PRKCQ: variants seen among roughly 807,000 people sequenced by gnomAD.
PRKCQ encodes the protein protein kinase C theta type.
In PRKCQ, 41 loss-of-function variants were observed where a neutral mutation model predicts 91.2. The ratio of observed to expected loss-of-function variants is 0.45; its 90% CI spans 0.35 to 0.58. The LOEUF (loss-of-function observed/expected upper bound fraction) is 0.58, where lower values mean the gene tolerates loss of function less well. Among genes scored for constraint, PRKCQ ranks in the 20% least tolerant of loss-of-function variants. The probability of loss-of-function intolerance (pLI) is 0.00; values close to 1 mark genes in which losing one functional copy is unlikely to be tolerated. For missense variants in PRKCQ, 673 were observed against 896.5 expected (o/e 0.75, Z 3.18); for synonymous variants, 307 against 316.9 (o/e 0.97, Z 0.33).
intron 1 of PRKCQ, among the ~76,000 whole-genome samples, chr10:6,548,607 AT>A: frequency 6.8e-6 from 1 of 148,094 alleles, no homozygotes; most frequent in South Asian, 2.2e-4. Context: ...ATTGGAAATC[AT>A]CATTCTCAGT....
Position 6,430,936 on chromosome 10 carries a change from G to C in PRKCQ, c.1839C>G (p.Leu613=), listed in dbSNP as rs1368867765. Residue 613 remains leucine (L), a splice_region_variant and synonymous_variant, in exon 17 of 18, where the codon CTC becomes CTG. Transcript: ENST00000263125. The surrounding 1 kb of genome is among the most constrained non-coding windows in gnomAD (Gnocchi z 4.7). ...EKEAKDLLVK[L]FVREPEKRLG... ...GCCTCTTCTCAGGTTCTCGCACGAAGAGCTGAAAGGGAGCAGAGCAGGAGC... is the reference window on the plus strand; with the variant it reads ...GCCTCTTCTCAGGTTCTCGCACGAACAGCTGAAAGGGAGCAGAGCAGGAGC... The C allele has an allele frequency of 5.6e-6, 9 of 1,613,778 alleles. No individual in the cohort carries two copies. Among genetic ancestry groups the C allele is most frequent in the Admixed American group, 1.7e-5 (1 of 60,000 alleles).
At chr10:6,417,633 A>G in the PRKCQ span, among the ~76,000 whole-genome samples, 5 of 152,096 alleles carry the variant, frequency 3.3e-5, no homozygotes, top group African/African-American at 1.2e-4. Flanking sequence ...GCTGCCTTAG[A>G]CCCTGAGCTT....
chr10:6,500,331 T>C (rs2130827506), intron 4 of PRKCQ, among the ~76,000 whole-genome samples: 1 of 152,098 alleles, frequency 6.6e-6, no homozygotes, highest in South Asian at 2.1e-4. Context: ...AGTGAATTAT[T>C]ATGGGGACCC....
chr10:6,459,160 T>C (rs968582494), intron 14 of PRKCQ, among the ~76,000 whole-genome samples: 1 of 152,208 alleles, frequency 6.6e-6, no homozygotes, highest in African/African-American at 2.4e-5. Flanking sequence ...AAAGTCTACC[T>C]TCACAGAAGA....
At position 6,491,680 on chromosome 10, in the gene PRKCQ, C is replaced by T. The variant is rs774278076; in HGVS notation, c.790+3G>A. 6.2e-7 allele frequency: 1 copy of T among 1,614,140 alleles called. No individual in the cohort carries two copies. Among genetic ancestry groups the T allele is most frequent in the Non-Finnish European group, 8.5e-7 (1 of 1,179,994 alleles). On this transcript the variant is annotated splice_donor_region_variant and intron_variant, in intron 8 of 17. Transcript: ENST00000263125. ...GGCCATGCTCATCCCCCACTGGACT[C>T]ACCATCACACTTGAGTCCTTGCCGT...
chr10:6,484,469 C>T (rs1302804919), intron 10 of PRKCQ, among the ~76,000 whole-genome samples: 1 of 152,138 alleles, frequency 6.6e-6, no homozygotes, highest in East Asian at 1.9e-4. Context: ...GACATAGTCT[C>T]CTTGACTGCC....
At chr10:6,484,262 G>T (rs1364688305) in intron 10 of PRKCQ, among the ~76,000 whole-genome samples, 3 of 152,090 alleles carry the variant, frequency 2.0e-5, no homozygotes, top group African/African-American at 7.2e-5. Flanking sequence ...AAAATACAAA[G>T]AATTCGCTGG....
the PRKCQ span, among the ~76,000 whole-genome samples, chr10:6,409,877 T>C: frequency 6.6e-6 from 1 of 152,244 alleles, no homozygotes; most frequent in Non-Finnish European, 1.5e-5. Context: ...GTTACTCCAA[T>C]GCCAAAATTA....
At chr10:6,498,309 A>C (rs993735464) in intron 5 of PRKCQ, 87 bp downstream of exon 5, 2 of 1,498,676 alleles carry the variant, frequency 1.3e-6, no homozygotes, top group Non-Finnish European at 9.2e-7. Flanking sequence ...CACACCCCCC[A>C]CAGTGGAGCA....
chr10:6,470,248 TC>T (rs1454359452), intron 12 of PRKCQ, among the ~76,000 whole-genome samples: 3 of 152,124 alleles, frequency 2.0e-5, no homozygotes, highest in Non-Finnish European at 2.9e-5. Flanking sequence ...ACTCCTCTGT[TC>T]CTCTTCTTAC....
At chr10:6,571,728 T>C (rs931526437) in intron 1 of PRKCQ, among the ~76,000 whole-genome samples, 1 of 152,136 alleles carries the variant, frequency 6.6e-6, no homozygotes, top group African/African-American at 2.4e-5. Context: ...TGCTTGAGCC[T>C]GGGAGGCAGA....
chr10:6,444,347 G>T (rs1222336260), intron 15 of PRKCQ, among the ~76,000 whole-genome samples: 1 of 151,868 alleles, frequency 6.6e-6, no homozygotes, highest in Non-Finnish European at 1.5e-5. Flanking sequence ...GGGATTAACC[G>T]CACCTGGCAC....
At chr10:6,400,892 T>C in the PRKCQ span, among the ~76,000 whole-genome samples, 7,848 of 152,234 alleles carry the variant, frequency 0.052, 347 homozygotes, top group South Asian at 0.14. Context: ...ATGGGTACCA[T>C]GTTAGATGCT....
chr10:6,418,118 A>C, the PRKCQ span, among the ~76,000 whole-genome samples: 1 of 152,220 alleles, frequency 6.6e-6, no homozygotes, highest in African/African-American at 2.4e-5. Flanking sequence ...GACTTTTTCC[A>C]AATAACAACA....
In PRKCQ at chr10:6,488,208, G is replaced by A. The variant is rs1306131360; in HGVS notation, c.791-2064C>T. Among the ~76,000 whole-genome samples the A allele has an allele frequency of 2.6e-5, 4 of 152,120 alleles. No individual in the cohort carries two copies. In the South Asian group the frequency reaches 6.2e-4, roughly 24 times the overall value. On this transcript the variant is annotated intron_variant, in intron 8 of 17. Coordinates refer to ENST00000263125, the MANE Select transcript of PRKCQ (RefSeq NM_006257.5). ...GAAGCTTAGCACAATGACTGGCATC[G>A]AGCAGGCGCTCAACAAATACAACTT...
intron 11 of PRKCQ, 48 bp downstream of exon 11, chr10:6,483,392 A>C (rs766987408): frequency 4.4e-6 from 7 of 1,607,786 alleles, no homozygotes; most frequent in East Asian, 2.2e-5. Context: ...AACTTGGCTC[A>C]TCAGTTCCTG....
At chr10:6,493,489 A>G (rs1837433192) in intron 7 of PRKCQ, among the ~76,000 whole-genome samples, 1 of 152,250 alleles carries the variant, frequency 6.6e-6, no homozygotes, top group Non-Finnish European at 1.5e-5. Context: ...GTAGAGGAAC[A>G]AAAGAATCCC....
chr10:6,510,423 CA>C, intron 3 of PRKCQ, among the ~76,000 whole-genome samples: 1 of 152,062 alleles, frequency 6.6e-6, no homozygotes, highest in Non-Finnish European at 1.5e-5. Context: ...GAGAGAAGAC[CA>C]AACATTAAAT....
At chr10:6,404,761 TTCCA>T in the PRKCQ span, among the ~76,000 whole-genome samples, 2 of 140,526 alleles carry the variant, frequency 1.4e-5, no homozygotes, top group African/African-American at 5.7e-5. Context: ...CCTTCCTTCC[TTCCA>T]TCCTTTCTTC....
Sources: gnomAD v4.1 joint callset for allele counts (sites outside exome capture counted in the v4.1 genomes callset) on GRCh38, gnomAD v4.1.1 for gene constraint, Gnocchi (gnomAD v3.1) non-coding constraint, MANE v1.5 for transcripts, NCBI Gene and HGNC (gene_info 2026-07-23, HGNC 2026-07-21) for gene names.